Variants in ANXA4 observed in about 807,000 individuals in gnomAD.
ANXA4 encodes annexin A4.
ANXA4 carries 39 observed loss-of-function variants against 49.8 expected under a neutral mutation model. The ratio of observed to expected loss-of-function variants is 0.78; its 90% CI spans 0.61 to 1.02. The LOEUF (loss-of-function observed/expected upper bound fraction) is 1.02, where lower values mean the gene tolerates loss of function less well. ANXA4 is among the 50% of genes least tolerant of loss of function. The probability of loss-of-function intolerance (pLI) is 0.00; values close to 1 mark genes in which losing one functional copy is unlikely to be tolerated. For synonymous variants in ANXA4, 134 were observed against 152.5 expected (o/e 0.88, Z 0.89); for missense variants, 360 against 410.1 (o/e 0.88, Z 1.05).
At chr2:69,724,503 A>G (rs1479149416) in intron 3 of ANXA4, among the ~76,000 whole-genome samples, 1 of 152,216 alleles carries the variant, frequency 6.6e-6, no homozygotes, top group Non-Finnish European at 1.5e-5. Context: ...CCCAGCTGTC[A>G]CCATTACTGT....
At chr2:69,675,594 C>A (rs1046510001) in intron 2 of ANXA4, among the ~76,000 whole-genome samples, 3 of 152,058 alleles carry the variant, frequency 2.0e-5, no homozygotes, top group Non-Finnish European at 4.4e-5. Flanking sequence ...AAGTGAGATA[C>A]CTGGAAGAGT....
chr2:69,823,298 TA>T (rs1174222512), intron 12 of ANXA4, among the ~76,000 whole-genome samples: 3 of 149,168 alleles, frequency 2.0e-5, no homozygotes, highest in Non-Finnish European at 4.5e-5. Context: ...AGATTAAAAA[TA>T]AAGAATACAT....
chr2:69,812,556 A>T, intron 7 of ANXA4, 97 bp from the exon 8 acceptor site: 1 of 995,430 alleles, frequency 1.0e-6, no homozygotes. Context: ...TTCTTGTGGT[A>T]TTTTGTCTCA....
rs967700849 is a variant in ANXA4, at chr2:69,654,910, A to AT, written n.766+1628_766+1629insT. Among the ~76,000 whole-genome samples, 6 of 152,224 alleles carry AT rather than the reference A, an allele frequency of 3.9e-5. 1 individual carries two copies. The highest frequency in any genetic ancestry group is 1.3e-4 in the Admixed American group (2 of 15,282). ...CATCTGATCTTTGACAAACCTGACA[A>AT]AAACAAGCAATGGGGAAAGGATTCC... On this transcript the variant is annotated intron_variant and non_coding_transcript_variant, in intron 2 of 3. Transcript: ENST00000418066.
At chr2:69,752,465 T>G (rs1185199184) in intron 1 of ANXA4, among the ~76,000 whole-genome samples, 3 of 152,222 alleles carry the variant, frequency 2.0e-5, no homozygotes, top group African/African-American at 7.2e-5. Context: ...ACATGACTCC[T>G]TGCTTCCCTG....
At chr2:69,676,998 A>G (rs1012704313) in intron 2 of ANXA4, among the ~76,000 whole-genome samples, 2 of 152,062 alleles carry the variant, frequency 1.3e-5, no homozygotes, top group African/African-American at 4.8e-5. Flanking sequence ...TATTTCTTGT[A>G]GAGATAGGTT....
intron 1 of ANXA4, among the ~76,000 whole-genome samples, chr2:69,757,976 A>G (rs2105514551): frequency 6.6e-6 from 1 of 152,000 alleles, no homozygotes; most frequent in East Asian, 1.9e-4. Flanking sequence ...AAAAAAAAAA[A>G]AAAGTACTGT....
intron 2 of ANXA4, among the ~76,000 whole-genome samples, chr2:69,659,659 G>A (rs567419501): frequency 2.6e-5 from 4 of 152,288 alleles, no homozygotes; most frequent in South Asian, 2.1e-4. Context: ...GGTGGCTCAC[G>A]CCTGTAATCC....
intron 2 of ANXA4, among the ~76,000 whole-genome samples, chr2:69,690,400 G>A (rs1178732568): frequency 2.0e-5 from 3 of 152,008 alleles, no homozygotes; most frequent in African/African-American, 4.8e-5. Context: ...CACCATCCCT[G>A]GCTAATTTTT....
intron 2 of ANXA4, among the ~76,000 whole-genome samples, chr2:69,654,864 A>T (rs1336709706): frequency 6.6e-6 from 1 of 152,184 alleles, no homozygotes; most frequent in African/African-American, 2.4e-5. Flanking sequence ...GGCCTCAGAA[A>T]TAACACCACA....
At chr2:69,820,588 G>A in intron 11 of ANXA4, 111 bp from the exon 12 acceptor site, 1 of 1,324,142 alleles carries the variant, frequency 7.6e-7, no homozygotes, top group African/African-American at 1.5e-5. Context: ...AAGTAGTGGA[G>A]CAAAGGACAT....
chr2:69,663,675 A>G (rs192363937), intron 2 of ANXA4, among the ~76,000 whole-genome samples: 4 of 152,246 alleles, frequency 2.6e-5, no homozygotes. Flanking sequence ...GTCAATAAAA[A>G]AAGAATACTC....
At chr2:69,707,820 G>A (rs1261219138) in intron 2 of ANXA4, among the ~76,000 whole-genome samples, 3 of 152,090 alleles carry the variant, frequency 2.0e-5, no homozygotes, top group African/African-American at 7.2e-5. Flanking sequence ...CAAATACTAG[G>A]TCTTATTCGT....
chr2:69,811,928 T>C (rs976844383), intron 7 of ANXA4, among the ~76,000 whole-genome samples: 1 of 152,156 alleles, frequency 6.6e-6, no homozygotes, highest in African/African-American at 2.4e-5. Context: ...CGAGACAGTA[T>C]AACAATAAAA....
At chr2:69,690,864 G>C (rs1677941982) in intron 2 of ANXA4, among the ~76,000 whole-genome samples, 1 of 152,152 alleles carries the variant, frequency 6.6e-6, no homozygotes, top group Non-Finnish European at 1.5e-5. Flanking sequence ...ATGTTTCAGT[G>C]CCTTAGTACT....
chr2:69,738,448 A>G (rs1438774109), upstream of ANXA4, among the ~76,000 whole-genome samples: 3 of 152,132 alleles, frequency 2.0e-5, no homozygotes, highest in African/African-American at 7.2e-5. Context: ...ATTTCAGTAC[A>G]GTAGCCCTAG....
At chr2:69,763,687 G>A (rs1671385955) in intron 1 of ANXA4, among the ~76,000 whole-genome samples, 2 of 139,176 alleles carry the variant, frequency 1.4e-5, no homozygotes, top group African/African-American at 5.3e-5. Context: ...TTTTGAGATA[G>A]AGTCTCGCTC....
At chr2:69,643,879 G>A (rs1443400807), upstream of ANXA4, 32 of 1,174,608 alleles carry the variant, frequency 2.7e-5, no homozygotes, top group Non-Finnish European at 2.9e-5. Context: ...CTGTCGCCAC[G>A]GATGGGAAGG....
intron 12 of ANXA4, among the ~76,000 whole-genome samples, chr2:69,824,329 CCT>C (rs1031169906): frequency 1.3e-4 from 19 of 151,648 alleles, no homozygotes; most frequent in African/African-American, 4.6e-4. Context: ...ATGGTGAAAC[CCT>C]GTCTCTACTA....
Sources: gnomAD v4.1 joint callset for allele counts (sites outside exome capture counted in the v4.1 genomes callset) on GRCh38, gnomAD v4.1.1 for gene constraint, MANE v1.5 for transcripts, NCBI Gene and HGNC (gene_info 2026-07-23, HGNC 2026-07-21) for gene names.